Variants in RRM2B observed in about 807,000 individuals in gnomAD.
RRM2B encodes ribonucleotide reductase regulatory TP53 inducible subunit M2B.
A neutral mutation model predicts 45.9 loss-of-function variants in RRM2B; 20 were observed. The observed-to-expected ratio is 0.44, with a 90% CI of 0.31 to 0.63. RRM2B has a LOEUF of 0.63. Among genes scored for constraint, RRM2B ranks in the 30% least tolerant of loss-of-function variants. RRM2B has a pLI of 0.09. For synonymous variants in RRM2B, 124 were observed against 132.3 expected, an observed-to-expected ratio of 0.94 and a Z score of 0.43; for missense variants, 320 against 414.7, an observed-to-expected ratio of 0.77 and a Z score of 1.98.
At chr8:102,217,873 G>T (rs1810758749) in intron 6 of RRM2B, among the ~76,000 whole-genome samples, 2 of 151,886 alleles carry the variant, frequency 1.3e-5, no homozygotes, top group South Asian at 4.2e-4. Context: ...GGGTAGAAAG[G>T]GTATAGCAGG....
chr8:102,218,793 G>T, intron 6 of RRM2B, 21 bp downstream of exon 6: 1 of 1,558,674 alleles, frequency 6.4e-7, no homozygotes, highest in Non-Finnish European at 8.8e-7. Flanking sequence ...AATATAACTA[G>T]AAAAACATTC....
chr8:102,230,697 G>A (rs938990561), intron 2 of RRM2B, among the ~76,000 whole-genome samples: 3 of 152,310 alleles, frequency 2.0e-5, no homozygotes, highest in South Asian at 2.1e-4. Flanking sequence ...GGGTAAGTGG[G>A]TAAAATTAGT....
intron 2 of RRM2B, among the ~76,000 whole-genome samples, chr8:102,231,205 C>T (rs1339251183): frequency 1.3e-5 from 2 of 152,232 alleles, no homozygotes; most frequent in Admixed American, 6.5e-5. Context: ...ACTGTCCTTA[C>T]CAACCAGCAA....
At chr8:102,221,294 G>A (rs1264112967) in intron 5 of RRM2B, among the ~76,000 whole-genome samples, 2 of 152,156 alleles carry the variant, frequency 1.3e-5, no homozygotes, top group East Asian at 3.8e-4. Flanking sequence ...CTGGATATAA[G>A]GAAAGAATAG....
chr8:102,238,948 C>G lies in RRM2B; in HGVS notation c.-74G>C, dbSNP rs1320545000. On this transcript the variant is annotated 5_prime_UTR_variant, in exon 1 of 9. Transcript: ENST00000251810. The stretch of plus-strand genomic sequence containing the variant: ...AGGCCACCTCCAACTACGACAGCAC[C>G]CAGGTGGTCCGCTGGTCCGCTGGGT... 1 of 1,483,614 alleles carries G rather than the reference C, an allele frequency of 6.7e-7. No homozygotes were observed. Among genetic ancestry groups the G allele is most frequent in the African/African-American group, 1.4e-5 (1 of 72,778 alleles). The allele number at this position is 1,483,614 out of a possible 1,614,324, so 91.9% of individuals were successfully genotyped here.
intron 6 of RRM2B, 89 bp downstream of exon 6, chr8:102,218,725 C>CAA (rs573218615): frequency 4.7e-3 from 3,711 of 788,658 alleles, no homozygotes; most frequent in Middle Eastern, 7.0e-3. Context: ...GATCCTGTCT[C>CAA]AAAAAAAAAA....
chr8:102,214,090 G>A lies in RRM2B; in HGVS notation c.753C>T (p.Val251=). The A allele has an allele frequency of 6.2e-7, 1 of 1,613,468 alleles. No individual in the cohort carries two copies. The highest frequency in any genetic ancestry group is 1.7e-4 in the Middle Eastern group (1 of 6,054). The change falls in exon 7 of 9, where the codon GTC becomes GTT. Residue 251 remains valine (V), a synonymous_variant. Coordinates refer to ENST00000251810, the MANE Select transcript of RRM2B (RefSeq NM_015713.5). ...YLVNKPSEER[V]REIIVDAVKI... Reference sequence around the variant, plus strand: ...TGACAGCATCAACAATGATCTCCCTGACCCTTTCTTCTGAAGGCTTATTTA... The same window carrying A: ...TGACAGCATCAACAATGATCTCCCTAACCCTTTCTTCTGAAGGCTTATTTA...
chr8:102,232,614 T>C (rs1018500262), intron 1 of RRM2B, among the ~76,000 whole-genome samples: 2 of 152,230 alleles, frequency 1.3e-5, no homozygotes, highest in African/African-American at 4.8e-5. Flanking sequence ...CAAAAATTAT[T>C]GTAATTATTG....
chr8:102,207,954 A>T lies in RRM2B; in HGVS notation c.*179T>A. ...GACAAGACAAAAGCATTTAGGTCAC[A>T]CTCTTGTTGTTAAACAGGAAAATTA... On this transcript the variant is annotated 3_prime_UTR_variant, in exon 9 of 9. Transcript: ENST00000251810. 1 of 570,224 alleles carries T rather than the reference A, an allele frequency of 1.8e-6. No individual in the cohort carries two copies. The highest frequency in any genetic ancestry group is 3.1e-6 in the Non-Finnish European group (1 of 322,614). The allele number at this position is 570,224 out of a possible 1,614,324, so 35.3% of individuals were successfully genotyped here. A position where few individuals can be genotyped will look rare whatever the true frequency, so the allele number is the denominator to read the frequency against.
intron 5 of RRM2B, among the ~76,000 whole-genome samples, chr8:102,223,751 CTG>C (rs1810875550): frequency 6.7e-6 from 1 of 149,108 alleles, no homozygotes; most frequent in African/African-American, 2.5e-5. Flanking sequence ...CAGATACAAA[CTG>C]TGAATTGCTA....
At chr8:102,216,342 GA>G (rs898888179) in intron 6 of RRM2B, among the ~76,000 whole-genome samples, 12 of 151,336 alleles carry the variant, frequency 7.9e-5, no homozygotes, top group East Asian at 1.9e-4. Context: ...AAAAAACCAA[GA>G]AAAAAAATGT....
chr8:102,223,334 A>G (rs1810867052), intron 5 of RRM2B, among the ~76,000 whole-genome samples: 1 of 152,182 alleles, frequency 6.6e-6, no homozygotes, highest in Non-Finnish European at 1.5e-5. Flanking sequence ...GATTACACTA[A>G]TCTTTAGTTT....
intron 1 of RRM2B, among the ~76,000 whole-genome samples, chr8:102,237,340 T>C (rs1022246500): frequency 6.6e-6 from 1 of 152,234 alleles, no homozygotes; most frequent in Non-Finnish European, 1.5e-5. Flanking sequence ...ATGGACCCTT[T>C]AAGACAGTGG....
In RRM2B at chr8:102,238,899, G is replaced by A. The variant is rs1156905906; in HGVS notation, c.-25C>T. Reference sequence around the variant, plus strand: ...TCGCGCAGACTCCGCCGAAGCTACGGGCGCTGAGGGAACTGAGCTCCTCAG... The same window carrying A: ...TCGCGCAGACTCCGCCGAAGCTACGAGCGCTGAGGGAACTGAGCTCCTCAG... On this transcript the variant is annotated 5_prime_UTR_variant, in exon 1 of 9. Coordinates refer to ENST00000251810, the MANE Select transcript of RRM2B (RefSeq NM_015713.5). 1.2e-6 allele frequency: 2 copies of A among 1,607,854 alleles called. No homozygotes were observed. The highest frequency in any genetic ancestry group is 1.7e-5 in the Admixed American group (1 of 59,992).
Position 102,234,561 on chromosome 8 carries a change from G to T in RRM2B, c.49-2257C>A, listed in dbSNP as rs1811087180. On this transcript the variant is annotated intron_variant, in intron 1 of 8. Coordinates refer to ENST00000251810, the MANE Select transcript of RRM2B (RefSeq NM_015713.5). The stretch of plus-strand genomic sequence containing the variant: ...AGAAGAAAAAAAAAATGTGAAAAAA[G>T]ATATGATGGGCAGGGCGCGGTGGCT... 2.6e-5 allele frequency among the ~76,000 whole-genome samples: 4 copies of T among 152,054 alleles called. No homozygotes were observed. The South Asian group carries it at 8.3e-4, about 31-fold the overall frequency.
rs756583445 is a variant in RRM2B, at chr8:102,232,135, G to A, written c.204+14C>T. ...CTATAGGATGTGAATGCTCTTGGAG[G>A]CAATGCCACGTACCTCTTCTGCTGT... On this transcript the variant is annotated intron_variant, in intron 2 of 8. Transcript: ENST00000251810. 6 of 1,612,654 alleles carry A rather than the reference G, an allele frequency of 3.7e-6. No individual in the cohort carries two copies. The Admixed American group carries it at 1.0e-4, about 27-fold the overall frequency.
At chr8:102,210,136 C>G (rs1050488416) in intron 8 of RRM2B, among the ~76,000 whole-genome samples, 1 of 152,160 alleles carries the variant, frequency 6.6e-6, no homozygotes, top group African/African-American at 2.4e-5. Context: ...TTGAATTGTA[C>G]ATTTTAAATG....
chr8:102,214,204 T>C, intron 6 of RRM2B, 46 bp from the exon 7 acceptor site: 1 of 1,275,426 alleles, frequency 7.8e-7, no homozygotes, highest in South Asian at 1.2e-5. Flanking sequence ...TTTAATCAGC[T>C]ATTTGCATAT....
intron 2 of RRM2B, among the ~76,000 whole-genome samples, chr8:102,229,151 G>A (rs1810984746): frequency 6.6e-6 from 1 of 152,144 alleles, no homozygotes; most frequent in Non-Finnish European, 1.5e-5. Flanking sequence ...TACTTGGGAG[G>A]CTGAGGCAGG....
Sources: gnomAD v4.1 joint callset for allele counts (sites outside exome capture counted in the v4.1 genomes callset) on GRCh38, gnomAD v4.1.1 for gene constraint, MANE v1.5 for transcripts, NCBI Gene and HGNC (gene_info 2026-07-23, HGNC 2026-07-21) for gene names.